The following PRR5 variants were observed in gnomAD, a reference collection of about 807,000 sequenced individuals.
The protein encoded by PRR5 is proline rich 5.
Under a neutral mutation model 30.6 loss-of-function variants are expected in PRR5, and 25 were observed. The ratio of observed to expected loss-of-function variants is 0.82; its 90% CI spans 0.60 to 1.14. The LOEUF is 1.14. Ranked by LOEUF, PRR5 falls within the 50% of genes most tolerant of loss-of-function variation. The pLI is 0.00. For synonymous variants in PRR5, 286 were observed against 247.1 expected (o/e 1.16, Z -1.48); for missense variants, 600 against 547.1 (o/e 1.10, Z -0.96).
At chr22:44,702,768 G>A (rs1422060962) in intron 1 of PRR5, among the ~76,000 whole-genome samples, 160 bp downstream of exon 1, 2 of 152,176 alleles carry the variant, frequency 1.3e-5, no homozygotes, top group East Asian at 3.9e-4. Flanking sequence ...AGTGGTGCGG[G>A]CCTGGAGGAA....
At chr22:44,710,974 T>C (rs1358770287) in intron 1 of PRR5, among the ~76,000 whole-genome samples, 2 of 151,882 alleles carry the variant, frequency 1.3e-5, no homozygotes, top group Non-Finnish European at 2.9e-5. Flanking sequence ...ATGGGGACAC[T>C]GAACCACTGA....
rs1049150270 is a variant in PRR5, at chr22:44,677,975, C to T, written c.-11+735C>T. On this transcript the variant is annotated intron_variant, in intron 1 of 8. Coordinates refer to the PRR5 transcript ENST00000006251. The stretch of plus-strand genomic sequence containing the variant: ...TGCATTGGCTCATCCAGGAAATAAC[C>T]GGGAGCTGGTGCTGGGGGCCTCAAG... Among the ~76,000 whole-genome samples, 30 of 152,272 alleles carry T rather than the reference C, an allele frequency of 2.0e-4. No individual in the cohort carries two copies. The East Asian group carries it at 4.8e-3, about 24-fold the overall frequency.
upstream of PRR5, among the ~76,000 whole-genome samples, chr22:44,698,551 G>T (rs1925973524): frequency 6.6e-6 from 1 of 152,142 alleles, no homozygotes; most frequent in Non-Finnish European, 1.5e-5. Context: ...TACAATTGCT[G>T]GGTCCCCCAG....
intron 2 of PRR5, among the ~76,000 whole-genome samples, chr22:44,715,842 G>A (rs995412581): frequency 6.6e-6 from 1 of 152,088 alleles, no homozygotes; most frequent in African/African-American, 2.4e-5. Context: ...TGCAGAGATG[G>A]GAGTCTCACT....
At chr22:44,710,350 C>T (rs1260551259) in intron 1 of PRR5, among the ~76,000 whole-genome samples, 1 of 152,146 alleles carries the variant, frequency 6.6e-6, no homozygotes, top group African/African-American at 2.4e-5. Flanking sequence ...GAGGACTTAC[C>T]CTCCTGGGAT....
intron 1 of PRR5, among the ~76,000 whole-genome samples, chr22:44,703,248 C>T (rs1415974702): frequency 6.6e-6 from 1 of 152,172 alleles, no homozygotes; most frequent in African/African-American, 2.4e-5. Flanking sequence ...TTTAGTGGAA[C>T]TCCCCAGCGT....
At chr22:44,731,882 A>C in intron 5 of PRR5, 61 bp downstream of exon 5, 6 of 1,535,804 alleles carry the variant, frequency 3.9e-6, no homozygotes, top group Non-Finnish European at 5.3e-6. Context: ...CCCTGGCCTC[A>C]CTCTACAGAG....
At chr22:44,684,626 G>A (rs1050977944) in intron 1 of PRR5, among the ~76,000 whole-genome samples, 3 of 152,206 alleles carry the variant, frequency 2.0e-5, no homozygotes, top group Non-Finnish European at 2.9e-5. Flanking sequence ...CCTCCTACCC[G>A]CGGTCCAACT....
chr22:44,714,194 G>A (rs73891748), intron 1 of PRR5, among the ~76,000 whole-genome samples: 2,374 of 152,304 alleles, frequency 0.016, 70 homozygotes, highest in African/African-American at 0.054. Context: ...CCTGAACTCC[G>A]GGTGGCCGTG....
intron 1 of PRR5, among the ~76,000 whole-genome samples, chr22:44,713,894 C>T (rs1342575443): frequency 6.6e-6 from 1 of 152,238 alleles, no homozygotes; most frequent in African/African-American, 2.4e-5. Flanking sequence ...AGCTCTGCCT[C>T]CCGGGTTCAC....
chr22:44,681,854 A>C (rs1269360378), intron 1 of PRR5, among the ~76,000 whole-genome samples: 1 of 152,226 alleles, frequency 6.6e-6, no homozygotes, highest in Non-Finnish European at 1.5e-5. Flanking sequence ...TGCCCTGTTC[A>C]GAGGTCCCTG....
chr22:44,671,985 C>T lies in PRR5; in HGVS notation c.-11+3180C>T, dbSNP rs113869257. ...GCTATACTGATGTCTAGTGACATAG[C>T]CTTGTGGTGCATAGTCTTGTAGTGC... is the stretch of plus-strand genomic sequence containing the variant. On this transcript the variant is annotated intron_variant, in intron 1 of 8. Transcript: ENST00000432186. Among the ~76,000 whole-genome samples, 1,358 of 152,324 alleles carry T rather than the reference C, an allele frequency of 8.9e-3. 19 individuals carry two copies. The highest frequency in any genetic ancestry group is 0.031 in the African/African-American group (1,275 of 41,566).
chr22:44,722,032 G>T (rs1474226345), intron 2 of PRR5, among the ~76,000 whole-genome samples: 1 of 152,218 alleles, frequency 6.6e-6, no homozygotes, highest in Non-Finnish European at 1.5e-5. Flanking sequence ...CAGAGGACAG[G>T]TCACGGGGAC....
intron 1 of PRR5, among the ~76,000 whole-genome samples, chr22:44,669,450 G>A (rs1021986788): frequency 2.6e-4 from 39 of 152,318 alleles, no homozygotes; most frequent in Non-Finnish European, 4.9e-4. Flanking sequence ...AGACTCCAGG[G>A]CTGGAGCGCT....
At chr22:44,728,517 T>C (rs958439681) in intron 4 of PRR5, among the ~76,000 whole-genome samples, 25 of 152,208 alleles carry the variant, frequency 1.6e-4, no homozygotes, top group Admixed American at 1.6e-3. Context: ...AGGAGTGTCC[T>C]GGGGAAGAAA....
intron 6 of PRR5, among the ~76,000 whole-genome samples, chr22:44,732,784 C>T (rs1002808971): frequency 2.7e-4 from 29 of 105,736 alleles, no homozygotes; most frequent in African/African-American, 1.5e-3. Flanking sequence ...TGTGTGCACG[C>T]ACATACTACA....
rs565408688 is a variant in PRR5, at chr22:44,691,681, G to A, written c.-10-10811G>A. ...CGCAGCTACTCAGGAGGCTGAGGAA[G>A]GAGAATCGCTTGAACCTGGGAGGTA... is the stretch of plus-strand genomic sequence containing the variant. On this transcript the variant is annotated intron_variant, in intron 1 of 8. Transcript: ENST00000006251. This position sits in a 1 kb window ranked among gnomAD's most constrained non-coding sequence, Gnocchi z 4.4. Among the ~76,000 whole-genome samples the A allele has an allele frequency of 6.6e-6, 1 of 152,296 alleles. No individual in the cohort carries two copies. The highest frequency in any genetic ancestry group is 2.1e-4 in the South Asian group (1 of 4,830).
At chr22:44,718,983 A>C (rs1290447397) in intron 2 of PRR5, among the ~76,000 whole-genome samples, 1 of 152,136 alleles carries the variant, frequency 6.6e-6, no homozygotes, top group East Asian at 1.9e-4. Context: ...GAAGCACAAA[A>C]AGTTTTTATT....
chr22:44,702,440 C>G lies in PRR5; in HGVS notation c.-35C>G. 1.5e-6 allele frequency: 2 copies of G among 1,294,994 alleles called. No individual in the cohort carries two copies. Among genetic ancestry groups the G allele is most frequent in the Non-Finnish European group, 2.0e-6 (2 of 1,018,788 alleles). 80.2% of individuals were successfully genotyped at this position (1,294,994 alleles called of 1,614,324 possible). Reference sequence around the variant, plus strand: ...GCGTGGCGCAGGGCGCGGCGTGGGGCGCGCGTGGGCGCGGCGCAGGCGGCC... The same window carrying G: ...GCGTGGCGCAGGGCGCGGCGTGGGGGGCGCGTGGGCGCGGCGCAGGCGGCC... On this transcript the variant is annotated 5_prime_UTR_variant, in exon 1 of 8. Coordinates refer to ENST00000336985, the MANE Select transcript of PRR5 (RefSeq NM_181333.4).
Sources: gnomAD v4.1 joint callset for allele counts (sites outside exome capture counted in the v4.1 genomes callset) on GRCh38, gnomAD v4.1.1 for gene constraint, Gnocchi (gnomAD v3.1) non-coding constraint, MANE v1.5 for transcripts, NCBI Gene and HGNC (gene_info 2026-07-23, HGNC 2026-07-21) for gene names.